Variants in GALNT2 observed in about 807,000 individuals in gnomAD.
GALNT2 encodes polypeptide N-acetylgalactosaminyltransferase 2.
Under a neutral mutation model 81.4 loss-of-function variants are expected in GALNT2, and 31 were observed. The observed-to-expected ratio is 0.38, with a 90% CI of 0.29 to 0.51. The LOEUF (loss-of-function observed/expected upper bound fraction) is 0.51. Ranked by LOEUF, GALNT2 falls within the 20% of genes least tolerant of loss-of-function variation. The pLI is 0.87. For missense variants in GALNT2, 629 were observed against 765.7 expected (o/e 0.82, Z 2.11); for synonymous variants, 303 against 287.4 (o/e 1.05, Z -0.55).
intron 2 of GALNT2, among the ~76,000 whole-genome samples, chr1:230,191,333 C>T (rs976460184): frequency 2.0e-5 from 3 of 152,098 alleles, no homozygotes; most frequent in Admixed American, 6.5e-5. Context: ...AAGCAGTGTC[C>T]GATGAGGAAC....
At chr1:230,131,155 C>T (rs1039351882) in intron 1 of GALNT2, among the ~76,000 whole-genome samples, 12 of 151,746 alleles carry the variant, frequency 7.9e-5, no homozygotes, top group Non-Finnish European at 1.0e-4. Context: ...AATACCTTAA[C>T]ATATGTCCCT....
In GALNT2 at chr1:230,271,219, C is replaced by T. The variant is rs1483822301; in HGVS notation, c.1441-3226C>T. Among the ~76,000 whole-genome samples the T allele has an allele frequency of 2.6e-5, 4 of 152,256 alleles. No individual in the cohort carries two copies. Among genetic ancestry groups the T allele is most frequent in the African/African-American group, 9.6e-5 (4 of 41,466 alleles). ...GCAGGGACGGAACAATGTGCTTCTT[C>T]CTGGCCCTCTCCATCCTGAACGCCA... On this transcript the variant is annotated intron_variant, in intron 14 of 15. Coordinates refer to ENST00000366672, the MANE Select transcript of GALNT2 (RefSeq NM_004481.5). This position sits in a 1 kb window ranked among gnomAD's most constrained non-coding sequence, Gnocchi z 4.2.
intron 1 of GALNT2, among the ~76,000 whole-genome samples, chr1:230,111,530 T>C (rs947124358): frequency 6.6e-6 from 1 of 152,262 alleles, no homozygotes; most frequent in Admixed American, 6.5e-5. Context: ...TCAGGGCATG[T>C]ACCCAAGTAG....
chr1:230,149,913 C>T (rs996986846), intron 1 of GALNT2, among the ~76,000 whole-genome samples: 6 of 152,180 alleles, frequency 3.9e-5, no homozygotes, highest in African/African-American at 1.2e-4. Flanking sequence ...CTCCGGTGGC[C>T]ATCAGATCAA....
At position 230,227,377 on chromosome 1, in the gene GALNT2, A is replaced by G. The variant is rs187509349; in HGVS notation, c.375-8637A>G. ...AAGTATAAGAACAGCAAATTGTTCA[A>G]TTTATGGTTATAGACTCAGAAAATC... is the stretch of plus-strand genomic sequence containing the variant. On this transcript the variant is annotated intron_variant, in intron 3 of 15. Coordinates refer to ENST00000366672, the MANE Select transcript of GALNT2 (RefSeq NM_004481.5). Among the ~76,000 whole-genome samples the G allele has an allele frequency of 2.0e-5, 3 of 151,860 alleles. No individual in the cohort carries two copies. The East Asian group carries it at 5.8e-4, about 29-fold the overall frequency.
rs2102787395 is a variant in GALNT2 at position 230,279,727 on chromosome 1, C to T, written c.*269C>T. Reference sequence around the variant, plus strand: ...GCGCCCCTCTTCCTTCCAGCTTTCACTTCTGCCGGCTCCGCAACTGAGTGA... The same window carrying T: ...GCGCCCCTCTTCCTTCCAGCTTTCATTTCTGCCGGCTCCGCAACTGAGTGA... On this transcript the variant is annotated 3_prime_UTR_variant, in exon 16 of 16. Transcript: ENST00000366672. This position sits in a 1 kb window ranked among gnomAD's most constrained non-coding sequence, Gnocchi z 4.6. 1.9e-6 allele frequency: 1 copy of T among 535,286 alleles called. No homozygotes were observed. The highest frequency in any genetic ancestry group is 3.9e-5 in the East Asian group (1 of 25,946). 33.2% of individuals were successfully genotyped at this position (535,286 alleles called of 1,614,324 possible).
At chr1:230,119,389 G>T (rs985975954) in intron 1 of GALNT2, among the ~76,000 whole-genome samples, 1 of 152,150 alleles carries the variant, frequency 6.6e-6, no homozygotes, top group African/African-American at 2.4e-5. Flanking sequence ...GAAGTCGGGT[G>T]TAGAGCCTTG....
chr1:230,270,445 C>G (rs1666136803), intron 14 of GALNT2, among the ~76,000 whole-genome samples: 2 of 152,234 alleles, frequency 1.3e-5, no homozygotes, highest in African/African-American at 4.8e-5. Flanking sequence ...TTCAGTATAT[C>G]AGCCACATTG....
At chr1:230,230,693 A>G (rs1291619854) in intron 3 of GALNT2, among the ~76,000 whole-genome samples, 2 of 152,240 alleles carry the variant, frequency 1.3e-5, no homozygotes, top group Non-Finnish European at 2.9e-5. Flanking sequence ...TTTTGACAGT[A>G]TCTATTCCCC....
At position 230,203,185 on chromosome 1, in the gene GALNT2, C is replaced by T. The variant is rs1326959932; in HGVS notation, c.269C>T (p.Thr90Met). The change falls in exon 3 of 16, where the codon ACG becomes ATG. Residue 90 changes from threonine (T) to methionine (M), a missense_variant. Around this residue, in one of 3 missense-constraint regions of GALNT2, gnomAD observed 360 missense variants for 492.8 expected, o/e 0.73. Coordinates refer to ENST00000366672, the MANE Select transcript of GALNT2 (RefSeq NM_004481.5). ...AACCAGGAAGCTTATGTTGGAGGGACGATGGTCCGCTCCGGGCAGGACCCT... is the reference window on the plus strand; with the variant it reads ...AACCAGGAAGCTTATGTTGGAGGGATGATGGTCCGCTCCGGGCAGGACCCT... ...DFNQEAYVGG[T>M]MVRSGQDPYA... The T allele has an allele frequency of 1.2e-5, 20 of 1,613,996 alleles. No homozygotes were observed. The highest frequency in any genetic ancestry group is 8.9e-5 in the East Asian group (4 of 44,892).
chr1:230,275,411 A>C lies in GALNT2; in HGVS notation c.1560+847A>C, dbSNP rs1264374856. ...ATACACGCCACATATATACATATGT[A>C]AACACCACATATATACACACCACAT... On this transcript the variant is annotated intron_variant, in intron 15 of 15. Transcript: ENST00000366672. This position sits in a 1 kb window ranked among gnomAD's most constrained non-coding sequence, Gnocchi z 5.5. Among the ~76,000 whole-genome samples the C allele has an allele frequency of 6.6e-6, 1 of 151,376 alleles. No individual in the cohort carries two copies. The highest frequency in any genetic ancestry group is 2.4e-5 in the African/African-American group (1 of 41,180).
intron 1 of GALNT2, among the ~76,000 whole-genome samples, chr1:230,059,626 C>G (rs1299049945): frequency 6.6e-6 from 1 of 152,184 alleles, no homozygotes; most frequent in Non-Finnish European, 1.5e-5. Context: ...TGCCTTTTAT[C>G]TAATCAGCAG....
At chr1:230,186,390 C>T (rs910312009) in intron 2 of GALNT2, among the ~76,000 whole-genome samples, 1 of 152,196 alleles carries the variant, frequency 6.6e-6, no homozygotes, top group Non-Finnish European at 1.5e-5. Context: ...GTCATCTTTC[C>T]AGCTCCTGGA....
chr1:230,132,722 AT>A (rs1572000286), intron 1 of GALNT2, among the ~76,000 whole-genome samples: 1 of 152,256 alleles, frequency 6.6e-6, no homozygotes. Flanking sequence ...ATTTAAAAAA[AT>A]GTGACTATTT....
In GALNT2 at chr1:230,281,679, C is replaced by A. The variant is rs1666451528; in HGVS notation, c.*2221C>A. 1 of 152,882 alleles carries A rather than the reference C, an allele frequency of 6.5e-6. No individual in the cohort carries two copies. Among genetic ancestry groups the A allele is most frequent in the Non-Finnish European group, 1.5e-5 (1 of 68,252 alleles). The allele number at this position is 152,882 out of a possible 1,614,324, so 9.5% of individuals were successfully genotyped here. On this transcript the variant is annotated 3_prime_UTR_variant, in exon 16 of 16. Transcript: ENST00000366672. ...CCATGCCCTGGGGGCGGCGTCCTGT[C>A]CCTGAGCTGGGAGGCGGCTTTGGAT...
At position 230,246,069 on chromosome 1, in the gene GALNT2, A is replaced by T; in HGVS notation, c.736A>T (p.Thr246Ser). The change falls in exon 8 of 16, where the codon ACT (threonine) becomes TCT (serine). Residue 246 changes from threonine (T) to serine (S), a missense_variant. Physicochemically the swap from Thr to Ser is moderately conservative, Grantham distance 58 (BLOSUM62 1). Transcript: ENST00000366672. ...PLLERVAEDRTRVVSPIIDVI... is the reference protein window; with the variant it reads ...PLLERVAEDRSRVVSPIIDVI... Reference sequence around the variant, plus strand: ...TCCTCTCTTTGTATTTTAGGACAGGACTCGGGTTGTGTCACCCATCATCGA... The same window carrying T: ...TCCTCTCTTTGTATTTTAGGACAGGTCTCGGGTTGTGTCACCCATCATCGA... 6.2e-7 allele frequency: 1 copy of T among 1,613,242 alleles called. No individual in the cohort carries two copies. The highest frequency in any genetic ancestry group is 8.5e-7 in the Non-Finnish European group (1 of 1,179,362).
chr1:230,189,013 G>C (rs1445303628), intron 2 of GALNT2, among the ~76,000 whole-genome samples: 1 of 152,096 alleles, frequency 6.6e-6, no homozygotes, highest in Non-Finnish European at 1.5e-5. Context: ...AGAGGAGTGG[G>C]GCCGGAAGAG....
intron 2 of GALNT2, among the ~76,000 whole-genome samples, chr1:230,199,267 A>G (rs1440480269): frequency 6.6e-6 from 1 of 152,104 alleles, no homozygotes; most frequent in Non-Finnish European, 1.5e-5. Flanking sequence ...ACCTCTCGCC[A>G]TGTCCCTGTT....
intron 1 of GALNT2, among the ~76,000 whole-genome samples, chr1:230,121,207 A>G (rs1291010436): frequency 3.3e-5 from 5 of 152,198 alleles, no homozygotes; most frequent in African/African-American, 1.2e-4. Context: ...CTTTTCTGCA[A>G]GAGCCATGGT....
Sources: allele counts gnomAD v4.1 joint callset (sites outside exome capture counted in the v4.1 genomes callset), GRCh38; gene constraint gnomAD v4.1.1; regional missense constraint gnomAD v4.1.1; non-coding constraint Gnocchi (gnomAD v3.1); transcripts MANE v1.5; gene names NCBI Gene and HGNC (gene_info 2026-07-23, HGNC 2026-07-21).